HS2ST1: variants seen among roughly 807,000 people sequenced by gnomAD.
HS2ST1 encodes the protein 2-O-sulfotransferase.
In HS2ST1, 18 loss-of-function variants were observed where a neutral mutation model predicts 42.9. That is an observed-to-expected ratio of 0.42 (90% CI 0.29 to 0.62). HS2ST1 has a LOEUF of 0.62. Ranked by LOEUF, HS2ST1 falls within the 20% of genes least tolerant of loss-of-function variation. HS2ST1 has a pLI of 0.21. For missense variants in HS2ST1, 334 were observed against 433.8 expected, an observed-to-expected ratio of 0.77 and a Z score of 2.04; for synonymous variants, 146 against 152.9, an observed-to-expected ratio of 0.95 and a Z score of 0.33.
chr1:87,091,441 A>C lies in HS2ST1; in HGVS notation c.450-1090A>C, dbSNP rs1049364809. Among the ~76,000 whole-genome samples the C allele has an allele frequency of 2.7e-4, 41 of 151,980 alleles. 1 individual carries two copies. Among genetic ancestry groups the C allele is most frequent in the Non-Finnish European group, 1.3e-4 (9 of 67,914 alleles). ...AGAATCCTAAGACAACCAGCAAAGG[A>C]GTTTGGGTTTCATATCGATAAATCA... On this transcript the variant is annotated intron_variant, in intron 3 of 6. Transcript: ENST00000370550.
chr1:87,013,499 C>T lies in HS2ST1; in HGVS notation c.125-59435C>T, dbSNP rs1227724067. On this transcript the variant is annotated intron_variant, in intron 1 of 6. Transcript: ENST00000370550. ...GCCTGGCCCAGGAAACCATTTTTTC[C>T]TCCTAGGCCTCTGGGCCTGTGATGG... Among the ~76,000 whole-genome samples the T allele has an allele frequency of 3.3e-5, 5 of 152,298 alleles. No individual in the cohort carries two copies. In the South Asian group the frequency reaches 6.2e-4, roughly 19 times the overall value.
At chr1:87,055,590 G>C (rs1056775844) in intron 1 of HS2ST1, among the ~76,000 whole-genome samples, 2 of 152,182 alleles carry the variant, frequency 1.3e-5, no homozygotes, top group Non-Finnish European at 2.9e-5. Flanking sequence ...TTAAAAAAAT[G>C]GCTCTTTATC....
intron 1 of HS2ST1, among the ~76,000 whole-genome samples, chr1:86,952,758 G>A (rs1003819527): frequency 2.6e-5 from 4 of 152,138 alleles, no homozygotes; most frequent in African/African-American, 9.7e-5. Context: ...TAAACCGGGT[G>A]GTAAACTGAG....
chr1:86,937,792 A>T (rs56972996), intron 1 of HS2ST1, among the ~76,000 whole-genome samples: 2 of 150,630 alleles, frequency 1.3e-5, no homozygotes, highest in African/African-American at 2.4e-5. Context: ...TCTGGTAGCT[A>T]TATTGATTTC....
chr1:87,053,139 G>C (rs1650875889), intron 1 of HS2ST1, among the ~76,000 whole-genome samples: 1 of 152,172 alleles, frequency 6.6e-6, no homozygotes, highest in Non-Finnish European at 1.5e-5. Flanking sequence ...TTTCGTTAAT[G>C]ATACCCAAAC....
At chr1:86,965,712 C>G (rs566539065) in intron 1 of HS2ST1, among the ~76,000 whole-genome samples, 1 of 151,942 alleles carries the variant, frequency 6.6e-6, no homozygotes, top group African/African-American at 2.4e-5. Flanking sequence ...GATAAATGAC[C>G]CTTGGAATCC....
chr1:86,995,292 A>G (rs758934809), intron 1 of HS2ST1, among the ~76,000 whole-genome samples: 11 of 152,236 alleles, frequency 7.2e-5, no homozygotes, highest in Non-Finnish European at 1.5e-4. Context: ...ATATCTGTGT[A>G]AAAATGGTTA....
intron 1 of HS2ST1, among the ~76,000 whole-genome samples, chr1:86,982,284 T>C (rs1648619419): frequency 6.6e-6 from 1 of 152,176 alleles, no homozygotes; most frequent in East Asian, 1.9e-4. Context: ...TGACATGCTC[T>C]AGAGACATTT....
rs529439189 is a variant in HS2ST1, at chr1:86,993,319, C to A, written c.124+78159C>A. 2.6e-5 allele frequency among the ~76,000 whole-genome samples: 4 copies of A among 151,930 alleles called. No individual in the cohort carries two copies. In the South Asian group the frequency reaches 8.3e-4, roughly 32 times the overall value. On this transcript the variant is annotated intron_variant, in intron 1 of 6. Coordinates refer to ENST00000370550, the MANE Select transcript of HS2ST1 (RefSeq NM_012262.4). ...ACATATGTTTATCTAGTGCTTTGAT[C>A]AAAATTGTTTCCCTTTGAAAAATAC...
intron 1 of HS2ST1, among the ~76,000 whole-genome samples, chr1:87,005,344 T>G (rs1196692044): frequency 6.6e-6 from 1 of 152,186 alleles, no homozygotes; most frequent in African/African-American, 2.4e-5. Context: ...TCCTGGTACC[T>G]TTTTAAGCAA....
chr1:87,083,138 A>G (rs779952087), intron 2 of HS2ST1, among the ~76,000 whole-genome samples: 3 of 152,156 alleles, frequency 2.0e-5, no homozygotes, highest in Non-Finnish European at 2.9e-5. Context: ...TCACCTACCA[A>G]TAGGCCTTTA....
chr1:86,975,452 G>A (rs146364924), intron 1 of HS2ST1, among the ~76,000 whole-genome samples: 1 of 152,098 alleles, frequency 6.6e-6, no homozygotes, highest in Admixed American at 6.5e-5. Context: ...AAAGGCTGAG[G>A]GGAGGAAGCT....
intron 1 of HS2ST1, among the ~76,000 whole-genome samples, chr1:87,043,431 C>G (rs1326652783): frequency 6.6e-6 from 1 of 151,982 alleles, no homozygotes; most frequent in Non-Finnish European, 1.5e-5. Context: ...GTTTAAAGTA[C>G]CTTATGCTTT....
rs530536295 is a variant in HS2ST1, at chr1:87,014,788, C to T, written c.125-58146C>T. Among the ~76,000 whole-genome samples, 153 of 152,298 alleles carry T rather than the reference C, an allele frequency of 1.0e-3. 1 individual carries two copies. Among genetic ancestry groups the T allele is most frequent in the African/African-American group, 3.3e-3 (139 of 41,572 alleles). On this transcript the variant is annotated intron_variant, in intron 1 of 6. Transcript: ENST00000370550. ...GCAACTGGCTGTCCAACCTTTGACT[C>T]GTGTCACTCTTGTTATTGATCTTTA...
chr1:86,972,356 TA>T (rs1278414113), intron 1 of HS2ST1, among the ~76,000 whole-genome samples: 9 of 152,198 alleles, frequency 5.9e-5, no homozygotes, highest in Admixed American at 2.0e-4. Flanking sequence ...ATTTAATAAT[TA>T]TTTTTTTTTA....
At chr1:87,103,292 A>G (rs1158497473) in intron 5 of HS2ST1, 140 bp from the exon 6 acceptor site, 36 of 664,820 alleles carry the variant, frequency 5.4e-5, no homozygotes, top group Non-Finnish European at 4.8e-6. Context: ...TGTGCCTCCC[A>G]CAGGATGGTA....
intron 1 of HS2ST1, among the ~76,000 whole-genome samples, chr1:87,016,932 T>C (rs943038460): frequency 6.6e-6 from 1 of 152,060 alleles, no homozygotes; most frequent in African/African-American, 2.4e-5. Context: ...AGGAACTTGG[T>C]TGTTACATAT....
At chr1:87,062,503 G>A (rs926190517) in intron 1 of HS2ST1, among the ~76,000 whole-genome samples, 1 of 151,692 alleles carries the variant, frequency 6.6e-6, no homozygotes, top group Non-Finnish European at 1.5e-5. Context: ...TTAAATATTT[G>A]CTCTGCCTTC....
intron 1 of HS2ST1, among the ~76,000 whole-genome samples, chr1:86,965,377 G>A (rs1648015601): frequency 6.6e-6 from 1 of 151,976 alleles, no homozygotes; most frequent in African/African-American, 2.4e-5. Flanking sequence ...AGCTCCTAAG[G>A]GACTAAGGTA....
Sources: gnomAD v4.1 joint callset for allele counts (sites outside exome capture counted in the v4.1 genomes callset) on GRCh38, gnomAD v4.1.1 for gene constraint, MANE v1.5 for transcripts, NCBI Gene and HGNC (gene_info 2026-07-23, HGNC 2026-07-21) for gene names.